ACOXL: variants seen among roughly 807,000 people sequenced by gnomAD.
ACOXL encodes the protein acyl-CoA oxidase like, also known as acyl-coenzyme A oxidase-like protein.
In ACOXL, 70 loss-of-function variants were observed where a neutral mutation model predicts 71.9. That is an observed-to-expected ratio of 0.97 (90% CI 0.80 to 1.19). ACOXL has a LOEUF of 1.19. Ranked by LOEUF, ACOXL falls within the 50% of genes most tolerant of loss-of-function variation. The probability of loss-of-function intolerance (pLI) is 0.00; values close to 1 mark genes in which losing one functional copy is unlikely to be tolerated. For synonymous variants in ACOXL, 253 were observed against 281.6 expected (o/e 0.90, Z 1.02); for missense variants, 703 against 736.3 (o/e 0.95, Z 0.52).
At chr2:110,743,532 A>T (rs1269819881) in intron 1 of ACOXL, among the ~76,000 whole-genome samples, 1 of 152,204 alleles carries the variant, frequency 6.6e-6, no homozygotes, top group South Asian at 2.1e-4. Context: ...GGGTTTGGAA[A>T]AAAACAAACC....
intron 14 of ACOXL, among the ~76,000 whole-genome samples, chr2:111,007,515 G>A (rs956307146): frequency 1.6e-4 from 25 of 152,082 alleles, no homozygotes; most frequent in Non-Finnish European, 2.5e-4. Flanking sequence ...TTATTTTCTT[G>A]CCAATTGTTC....
chr2:110,985,237 G>A (rs896578913), intron 12 of ACOXL, among the ~76,000 whole-genome samples: 2 of 152,062 alleles, frequency 1.3e-5, no homozygotes, highest in African/African-American at 4.8e-5. Flanking sequence ...ATCCTGGCAG[G>A]GTTTGATTCT....
chr2:110,843,148 C>G (rs1691380697), intron 10 of ACOXL, among the ~76,000 whole-genome samples: 1 of 152,220 alleles, frequency 6.6e-6, no homozygotes, highest in Non-Finnish European at 1.5e-5. Flanking sequence ...AGGTGGACTG[C>G]TCCAGAATGA....
chr2:110,968,548 A>T, intron 12 of ACOXL: 1 of 1,085,492 alleles, frequency 9.2e-7, no homozygotes, highest in Non-Finnish European at 1.4e-6. Context: ...GACGGAGGAG[A>T]TGTATAAGAA....
intron 12 of ACOXL, among the ~76,000 whole-genome samples, chr2:110,962,675 A>C (rs3789107): frequency 0.23 from 35,101 of 152,200 alleles, 5,877 homozygotes; most frequent in East Asian, 0.72. Flanking sequence ...CCAGGCATGA[A>C]AGGTACCTGG....
At chr2:111,048,673 A>G (rs186942040) in intron 15 of ACOXL, among the ~76,000 whole-genome samples, 6 of 151,946 alleles carry the variant, frequency 3.9e-5, no homozygotes, top group Non-Finnish European at 7.4e-5. Context: ...TTTCTCGTAA[A>G]TCTTCTTGGG....
chr2:111,041,607 T>C (rs1316257555), intron 15 of ACOXL, among the ~76,000 whole-genome samples: 10 of 152,164 alleles, frequency 6.6e-5, no homozygotes, highest in Admixed American at 3.9e-4. Flanking sequence ...TGCCCCCGGC[T>C]CTACACCTTG....
chr2:110,866,342 G>A (rs1694584942), intron 10 of ACOXL, among the ~76,000 whole-genome samples: 1 of 152,172 alleles, frequency 6.6e-6, no homozygotes, highest in Non-Finnish European at 1.5e-5. Context: ...TCAAAGGCAG[G>A]GAGGGGAGCT....
intron 9 of ACOXL, among the ~76,000 whole-genome samples, chr2:110,823,030 A>C (rs1573691998): frequency 3.3e-5 from 5 of 152,122 alleles, no homozygotes; most frequent in Admixed American, 3.3e-4. Context: ...AAGCAGGTGG[A>C]TCACCTGAGG....
rs74992775 is a variant in ACOXL at position 110,803,618 on chromosome 2, A to G, written c.621-1645A>G. 4.5e-4 allele frequency among the ~76,000 whole-genome samples: 68 copies of G among 152,368 alleles called. 3 individuals carry two copies. The East Asian group carries it at 0.011, about 25-fold the overall frequency. On this transcript the variant is annotated intron_variant, in intron 8 of 17. Transcript: ENST00000439055. ...TTTGTGACCTGGGTTTAAGCAGTCT[A>G]TTAGACGTGGCACCAAAAGCACAAC...
At chr2:111,033,846 G>C (rs2065388483) in intron 15 of ACOXL, among the ~76,000 whole-genome samples, 1 of 152,118 alleles carries the variant, frequency 6.6e-6, no homozygotes, top group Admixed American at 6.5e-5. Flanking sequence ...ACTGACCACA[G>C]ATATCGCCCT....
rs190391420 is a variant in ACOXL, at chr2:110,962,867, G to A, written c.1060-24241G>A. Among the ~76,000 whole-genome samples the A allele has an allele frequency of 4.6e-5, 7 of 152,330 alleles. No individual in the cohort carries two copies. The East Asian group carries it at 5.8e-4, about 13-fold the overall frequency. On this transcript the variant is annotated intron_variant, in intron 12 of 17. Transcript: ENST00000439055. ...GTGATTTGTGGAAGCAGGCTTGGAC[G>A]GGGGAGCAATTCTGGATATTTCATG...
chr2:111,097,127 T>C (rs1294865503), intron 17 of ACOXL, among the ~76,000 whole-genome samples: 1 of 152,248 alleles, frequency 6.6e-6, no homozygotes, highest in African/African-American at 2.4e-5. Flanking sequence ...TGGGTTCCCA[T>C]TTTCCTATAA....
intron 5 of ACOXL, among the ~76,000 whole-genome samples, chr2:110,794,840 A>G (rs1685091289): frequency 3.3e-5 from 5 of 151,614 alleles, no homozygotes; most frequent in Admixed American, 3.3e-4. Context: ...ATGTTGGCTA[A>G]GTCTCTCTAC....
chr2:110,886,885 T>A (rs1036165413), intron 10 of ACOXL: 2 of 1,549,068 alleles, frequency 1.3e-6, no homozygotes, highest in African/African-American at 1.4e-5. Flanking sequence ...TGCTAACGTT[T>A]CTTACGCTTG....
At chr2:110,881,517 C>T (rs913714744) in intron 10 of ACOXL, among the ~76,000 whole-genome samples, 6 of 151,918 alleles carry the variant, frequency 3.9e-5, no homozygotes, top group Admixed American at 6.6e-5. Flanking sequence ...TTAAAATGTA[C>T]GATTGATAGT....
At chr2:110,903,200 T>A (rs1372519922) in intron 10 of ACOXL, among the ~76,000 whole-genome samples, 3 of 152,140 alleles carry the variant, frequency 2.0e-5, no homozygotes, top group African/African-American at 4.8e-5. Context: ...CTGGCCTCCT[T>A]TGGGAGAAGA....
At chr2:110,856,155 C>T (rs1354460941) in intron 10 of ACOXL, among the ~76,000 whole-genome samples, 1 of 152,190 alleles carries the variant, frequency 6.6e-6, no homozygotes, top group East Asian at 1.9e-4. Context: ...ATCCGAGCTA[C>T]AGAATGCTAA....
intron 12 of ACOXL, among the ~76,000 whole-genome samples, chr2:110,944,055 T>TTTTATA (rs1327175692): frequency 1.3e-5 from 2 of 152,140 alleles, no homozygotes; most frequent in Non-Finnish European, 2.9e-5. Context: ...ACTTTTATTT[T>TTTTATA]TTTATTTTTA....
Sources: gnomAD v4.1 joint callset for allele counts (sites outside exome capture counted in the v4.1 genomes callset) on GRCh38, gnomAD v4.1.1 for gene constraint, MANE v1.5 for transcripts, NCBI Gene and HGNC (gene_info 2026-07-23, HGNC 2026-07-21) for gene names.